PMP22: variants seen among roughly 807,000 people sequenced by gnomAD.
The protein encoded by PMP22 is Charcot-Marie-Tooth neuropathy 1A (greatly reduced nerve conduction velocity, hereditary motor sensory neuropathy Ia).
PMP22 carries 2 observed loss-of-function variants against 18.9 expected under a neutral mutation model. That is an observed-to-expected ratio of 0.11 (90% CI 0.04 to 0.33). The LOEUF is 0.33. PMP22 is among the 10% of genes least tolerant of loss of function. PMP22 has a pLI of 1.00. For synonymous variants in PMP22, 95 were observed against 89.2 expected, an observed-to-expected ratio of 1.07 and a Z score of -0.37; for missense variants, 169 against 202.2, an observed-to-expected ratio of 0.84 and a Z score of 1.00.
chr17:15,248,212 C>T (rs1386949532), intron 3 of PMP22, among the ~76,000 whole-genome samples: 3 of 152,154 alleles, frequency 2.0e-5, no homozygotes, highest in Non-Finnish European at 4.4e-5. Flanking sequence ...ATGATTCATG[C>T]GGAAAGCAAA....
chr17:15,259,132 G>A lies in PMP22; in HGVS notation c.140C>T (p.Ser47Leu), dbSNP rs1213064078. ...TGAGAAACAGTGGTGGACATTTCCT[G>A]AGGAAGAGGTGCTACAGTTCTGCCA... ...DLWQNCSTSS[S>L]GNVHHCFSSS... is the part of the protein sequence containing the mutation. Residue 47 changes from serine to leucine, a missense_variant, in exon 3 of 5, where the codon TCA becomes TTA. Coordinates refer to ENST00000312280, the MANE Select transcript of PMP22 (RefSeq NM_000304.4). 1.9e-6 allele frequency: 3 copies of A among 1,613,906 alleles called. No homozygotes were observed. The African/African-American group carries it at 4.0e-5, about 22-fold the overall frequency.
chr17:15,247,697 T>C (rs1907961360), intron 3 of PMP22, among the ~76,000 whole-genome samples: 2 of 152,154 alleles, frequency 1.3e-5, no homozygotes, highest in South Asian at 2.1e-4. Flanking sequence ...GCATCTTTCA[T>C]TACCAGCATG....
chr17:15,240,584 T>C (rs72812947), intron 3 of PMP22, among the ~76,000 whole-genome samples: 9,893 of 152,120 alleles, frequency 0.065, 482 homozygotes, highest in East Asian at 0.17. Context: ...CTCCTATGGT[T>C]TCTTCAGTTC....
chr17:15,248,364 A>C (rs530457913), intron 3 of PMP22, among the ~76,000 whole-genome samples: 46 of 152,222 alleles, frequency 3.0e-4, no homozygotes, highest in Non-Finnish European at 5.4e-4. Flanking sequence ...CAAACTGCTC[A>C]GTAAGTGGAA....
intron 3 of PMP22, among the ~76,000 whole-genome samples, chr17:15,245,348 A>C (rs1907710766): frequency 6.6e-6 from 1 of 152,158 alleles, no homozygotes; most frequent in African/African-American, 2.4e-5. Context: ...GATCCTGTCC[A>C]AGGTAAGGGT....
rs1360203209 is a variant in PMP22 at position 15,261,393 on chromosome 17, T to C, written c.-34-632A>G. Reference sequence around the variant, plus strand: ...GGCCCCAGCTCAGCCTCGCGCAGACTCTGGCGGCTCCGGAGAGGTGGTGCA... The same window carrying C: ...GGCCCCAGCTCAGCCTCGCGCAGACCCTGGCGGCTCCGGAGAGGTGGTGCA... On this transcript the variant is annotated intron_variant, in intron 1 of 4. Coordinates refer to ENST00000312280, the MANE Select transcript of PMP22 (RefSeq NM_000304.4). This position sits in a 1 kb window ranked among gnomAD's most constrained non-coding sequence, Gnocchi z 5.2. The C allele has an allele frequency of 6.6e-6, 1 of 152,412 alleles. No homozygotes were observed. The highest frequency in any genetic ancestry group is 1.5e-5 in the Non-Finnish European group (1 of 68,270). 9.4% of individuals were successfully genotyped at this position (152,412 alleles called of 1,614,324 possible).
intron 3 of PMP22, among the ~76,000 whole-genome samples, chr17:15,254,731 G>A (rs1908675481): frequency 6.6e-6 from 1 of 152,170 alleles, no homozygotes; most frequent in African/African-American, 2.4e-5. Flanking sequence ...GCTGAGGCAG[G>A]TGGATCACCT....
chr17:15,250,717 C>G (rs1908264701), intron 3 of PMP22, among the ~76,000 whole-genome samples: 1 of 152,172 alleles, frequency 6.6e-6, no homozygotes. Flanking sequence ...TTCTTCTCTA[C>G]TTCCCCTCCC....
rs758748518 is a variant in PMP22 at position 15,230,905 on chromosome 17, C to T, written c.*12G>A. On this transcript the variant is annotated 3_prime_UTR_variant, in exon 5 of 5. Coordinates refer to ENST00000312280, the MANE Select transcript of PMP22 (RefSeq NM_000304.4). Reference sequence around the variant, plus strand: ...TGTACGCTCAGAGCCTCAGACAGACCGTCTGGGCGCCTCATTCGCGTTTCC... The same window carrying T: ...TGTACGCTCAGAGCCTCAGACAGACTGTCTGGGCGCCTCATTCGCGTTTCC... 4.2e-5 allele frequency: 67 copies of T among 1,613,308 alleles called. No homozygotes were observed. The highest frequency in any genetic ancestry group is 1.8e-4 in the Admixed American group (11 of 60,000).
chr17:15,248,924 A>G (rs928406199), intron 3 of PMP22, among the ~76,000 whole-genome samples: 16 of 152,232 alleles, frequency 1.1e-4, no homozygotes, highest in African/African-American at 3.6e-4. Context: ...GGCAGTTGCA[A>G]TTGCAGTCAT....
At chr17:15,254,801 T>C (rs1908685493) in intron 3 of PMP22, among the ~76,000 whole-genome samples, 1 of 151,944 alleles carries the variant, frequency 6.6e-6, no homozygotes, top group African/African-American at 2.4e-5. Context: ...CTACTAAAAA[T>C]ACAAAAAATT....
At chr17:15,255,509 CT>C (rs143177617) in intron 3 of PMP22, among the ~76,000 whole-genome samples, 6,155 of 152,204 alleles carry the variant, frequency 0.04, 196 homozygotes, top group Non-Finnish European at 0.059. Flanking sequence ...TAGAAAGTGT[CT>C]GCATCTCTGA....
intron 1 of PMP22, among the ~76,000 whole-genome samples, chr17:15,262,990 T>G (rs951438480): frequency 6.6e-6 from 1 of 152,136 alleles, no homozygotes; most frequent in African/African-American, 2.4e-5. Flanking sequence ...AGCGGGCGCT[T>G]GAGCGCTGGA....
intron 3 of PMP22, among the ~76,000 whole-genome samples, chr17:15,256,280 TGAGTGGCAACCCCCAGAGAGAG>T (rs1266539322): frequency 2.0e-5 from 3 of 152,190 alleles, no homozygotes; most frequent in Non-Finnish European, 4.4e-5. Flanking sequence ...GAAAACAACA[TGAGTGGCAACCCCCAGAGAGAG>T]GTGAAGTGTC....
Position 15,230,687 on chromosome 17 carries a change from A to G in PMP22, c.*230T>C. On this transcript the variant is annotated 3_prime_UTR_variant, in exon 5 of 5. Coordinates refer to ENST00000312280, the MANE Select transcript of PMP22 (RefSeq NM_000304.4). ...CACGAGGCTGATGGTCAACATAAAA[A>G]GCAAACAATACTATGTACATATATG... 1 of 559,056 alleles carries G rather than the reference A, an allele frequency of 1.8e-6. No homozygotes were observed. The highest frequency in any genetic ancestry group is 3.2e-6 in the Non-Finnish European group (1 of 312,892). 34.6% of individuals were successfully genotyped at this position (559,056 alleles called of 1,614,324 possible). A position where few individuals can be genotyped will look rare whatever the true frequency, so the allele number is the denominator to read the frequency against.
intron 1 of PMP22, among the ~76,000 whole-genome samples, chr17:15,263,449 T>C (rs1909496970): frequency 6.6e-6 from 1 of 152,176 alleles, no homozygotes; most frequent in South Asian, 2.1e-4. Flanking sequence ...CTAGCCCCCT[T>C]CAGTCTCGGC....
intron 4 of PMP22, among the ~76,000 whole-genome samples, chr17:15,235,459 T>C (rs1017307906): frequency 3.3e-5 from 5 of 152,250 alleles, no homozygotes; most frequent in Non-Finnish European, 5.9e-5. Flanking sequence ...TCCAGTCTAG[T>C]GCAACCCAAC....
intron 3 of PMP22, among the ~76,000 whole-genome samples, chr17:15,241,212 C>T (rs9907082): frequency 0.043 from 6,596 of 152,168 alleles, 465 homozygotes; most frequent in African/African-American, 0.15. Flanking sequence ...AAGAAAATGA[C>T]GGCTAATGGG....
At chr17:15,235,306 C>T (rs1301188178) in intron 4 of PMP22, 1 of 717,516 alleles carries the variant, frequency 1.4e-6, no homozygotes, top group Non-Finnish European at 2.6e-6. Flanking sequence ...ACACAATTAT[C>T]TAATCATCCA....
Sources: gnomAD v4.1 joint callset for allele counts (sites outside exome capture counted in the v4.1 genomes callset) on GRCh38, gnomAD v4.1.1 for gene constraint, Gnocchi (gnomAD v3.1) non-coding constraint, MANE v1.5 for transcripts, NCBI Gene and HGNC (gene_info 2026-07-23, HGNC 2026-07-21) for gene names.